MORN1: variants seen among roughly 807,000 people sequenced by gnomAD.
MORN1 encodes MORN repeat containing 1, also known as MORN repeat-containing protein 1.
A neutral mutation model predicts 61.9 loss-of-function variants in MORN1; 67 were observed. The ratio of observed to expected loss-of-function variants is 1.08; its 90% confidence interval spans 0.89 to 1.33. The LOEUF is 1.33. Among genes scored for constraint, MORN1 ranks in the 40% most tolerant of loss-of-function variants. MORN1 has a pLI of 0.00. For synonymous variants in MORN1, 301 were observed against 292.0 expected (o/e 1.03, Z -0.31); for missense variants, 752 against 691.2 (o/e 1.09, Z -0.99).
rs541418375 is a variant in MORN1, at chr1:2,358,528, T to G, written c.869+64A>C. The stretch of plus-strand genomic sequence containing the variant: ...CTCTAGGGAAAAAAGGACAAGGAAT[T>G]AATGTGACCTAAATGAACTCAAAAC... On this transcript the variant is annotated intron_variant, in intron 9 of 13. Transcript: ENST00000378531. 10 of 1,604,856 alleles carry G rather than the reference T, an allele frequency of 6.2e-6. No individual in the cohort carries two copies. The East Asian group carries it at 9.0e-5, about 14-fold the overall frequency.
rs2643890 is a variant in MORN1, at chr1:2,357,096, C to T, written c.1036+336G>A. ...CCCGGGCGGCAGGAGTGGCTGGGGC[C>T]GTGTCCAGGCTGGCCACTGGCCTCG... On this transcript the variant is annotated intron_variant, in intron 10 of 13. Transcript: ENST00000378531. The surrounding 1 kb of genome is among the most constrained non-coding windows in gnomAD (Gnocchi z 6.3). 2.6e-5 allele frequency among the ~76,000 whole-genome samples: 4 copies of T among 152,188 alleles called. No individual in the cohort carries two copies. Among genetic ancestry groups the T allele is most frequent in the East Asian group, 1.9e-4 (1 of 5,166 alleles).
chr1:2,351,942 A>G (rs1324143661), intron 10 of MORN1: 9 of 519,596 alleles, frequency 1.7e-5, no homozygotes, highest in Non-Finnish European at 3.0e-5. Context: ...GGGCCCACCA[A>G]TTGGGCTTCC....
At chr1:2,339,416 G>A (rs1325767589) in intron 10 of MORN1, among the ~76,000 whole-genome samples, 9 of 152,182 alleles carry the variant, frequency 5.9e-5, no homozygotes, top group Non-Finnish European at 2.9e-5. Flanking sequence ...CAGGCTGACC[G>A]CAGCGGCCCC....
chr1:2,388,498 G>A, intron 2 of MORN1, 161 bp from the exon 3 acceptor site: 1 of 582,728 alleles, frequency 1.7e-6, no homozygotes, highest in Non-Finnish European at 3.0e-6. Flanking sequence ...ATAAAAAAAT[G>A]TTCTCAAAAA....
chr1:2,350,428 C>G (rs1239044275), intron 10 of MORN1: 1 of 152,156 alleles, frequency 6.6e-6, no homozygotes, highest in Non-Finnish European at 1.5e-5. Context: ...CCCTCTTTGT[C>G]GATTTATTTG....
rs78714880 is a variant in MORN1, at chr1:2,372,171, C to T, written c.745+310G>A. On this transcript the variant is annotated intron_variant, in intron 8 of 13. Transcript: ENST00000378531. This position sits in a 1 kb window ranked among gnomAD's most constrained non-coding sequence, Gnocchi z 5.4. ...AAGGACACTCTGACACACGTGCACGCGTGCCCCCCCACACGTATACACATT... is the reference window on the plus strand; with the variant it reads ...AAGGACACTCTGACACACGTGCACGTGTGCCCCCCCACACGTATACACATT... The T allele has an allele frequency of 3.2e-3, 899 of 283,102 alleles. 4 individuals are homozygous for T. The highest frequency in any genetic ancestry group is 0.018 in the Middle Eastern group (15 of 854). The allele number at this position is 283,102 out of a possible 1,614,324, so 17.5% of individuals were successfully genotyped here. A position where few individuals can be genotyped will look rare whatever the true frequency, so the allele number is the denominator to read the frequency against.
intron 12 of MORN1, among the ~76,000 whole-genome samples, chr1:2,325,021 C>T (rs61762084): frequency 0.046 from 7,032 of 151,510 alleles, 234 homozygotes; most frequent in South Asian, 0.067. Flanking sequence ...GGACGAGGGG[C>T]TGGCTCTGTG....
chr1:2,374,323 G>A (rs2100341676), intron 7 of MORN1, 138 bp downstream of exon 7: 1 of 672,340 alleles, frequency 1.5e-6, no homozygotes, highest in Non-Finnish European at 2.6e-6. Context: ...CCTTAAAAGG[G>A]GTGGGGTTTT....
At chr1:2,341,913 G>A (rs1641403497) in intron 10 of MORN1, among the ~76,000 whole-genome samples, 1 of 152,226 alleles carries the variant, frequency 6.6e-6, no homozygotes, top group Non-Finnish European at 1.5e-5. Context: ...GGATGTGTCA[G>A]CTCATCAAAC....
Position 2,349,247 on chromosome 1 carries a change from G to A in MORN1, c.1036+8185C>T, listed in dbSNP as rs188674745. 6.9e-3 allele frequency among the ~76,000 whole-genome samples: 1,051 copies of A among 152,320 alleles called. 7 individuals are homozygous for A. Among genetic ancestry groups the A allele is most frequent in the Non-Finnish European group, 0.011 (743 of 68,022 alleles). ...GAGAAAAGGACCTGTGGAGGAGGAG[G>A]GAACCTGAAAGCTTAAGCTTTTACC... On this transcript the variant is annotated intron_variant, in intron 10 of 13. Coordinates refer to ENST00000378531, the MANE Select transcript of MORN1 (RefSeq NM_024848.3).
intron 13 of MORN1, 79 bp downstream of exon 13, chr1:2,324,018 C>T (rs767852958): frequency 1.3e-6 from 2 of 1,499,816 alleles, no homozygotes; most frequent in Non-Finnish European, 1.8e-6. Context: ...CCCCCAACCC[C>T]ACCTCCAGCC....
At chr1:2,363,827 A>AT (rs59002493) in intron 8 of MORN1, among the ~76,000 whole-genome samples, 10,714 of 75,484 alleles carry the variant, frequency 0.14, 517 homozygotes, top group South Asian at 0.22. Flanking sequence ...TATATATATA[A>AT]AAAAAATCAG....
intron 13 of MORN1, chr1:2,323,751 T>C: frequency 1.0e-6 from 1 of 985,350 alleles, no homozygotes; most frequent in Non-Finnish European, 1.2e-6. Flanking sequence ...GTTCAGCCAC[T>C]GTGGGCCTTG....
At chr1:2,342,837 T>A (rs1044006725) in intron 10 of MORN1, among the ~76,000 whole-genome samples, 5 of 105,976 alleles carry the variant, frequency 4.7e-5, no homozygotes, top group African/African-American at 6.9e-5. Context: ...TTTATTTTAT[T>A]TTATATTTTA....
chr1:2,353,937 A>G (rs1250945019), intron 10 of MORN1, among the ~76,000 whole-genome samples: 1 of 152,264 alleles, frequency 6.6e-6, no homozygotes, highest in Non-Finnish European at 1.5e-5. Flanking sequence ...GGAAGCAGCA[A>G]GCCCGATAAA....
chr1:2,356,166 G>A (rs919043460), intron 10 of MORN1, among the ~76,000 whole-genome samples: 27 of 152,314 alleles, frequency 1.8e-4, no homozygotes, highest in Non-Finnish European at 3.7e-4. Flanking sequence ...GCCGCCTGGT[G>A]GTGCCATCTG....
In MORN1 at chr1:2,357,316, C is replaced by T; in HGVS notation, c.1036+116G>A. On this transcript the variant is annotated intron_variant, in intron 10 of 13. Transcript: ENST00000378531. The surrounding 1 kb of genome is among the most constrained non-coding windows in gnomAD (Gnocchi z 6.3). Reference sequence around the variant, plus strand: ...CTTTCACCCACGCGTGATGACTGACCCTGGGTGCGGCTTGCTCCTGCTCTG... The same window carrying T: ...CTTTCACCCACGCGTGATGACTGACTCTGGGTGCGGCTTGCTCCTGCTCTG... The T allele has an allele frequency of 2.6e-6, 3 of 1,171,668 alleles. No individual in the cohort carries two copies. The highest frequency in any genetic ancestry group is 3.6e-6 in the Non-Finnish European group (3 of 838,198). The allele number at this position is 1,171,668 out of a possible 1,614,324, so 72.6% of individuals were successfully genotyped here. A position where few individuals can be genotyped will look rare whatever the true frequency, so the allele number is the denominator to read the frequency against.
At chr1:2,355,598 A>G in intron 10 of MORN1, 2 of 897,724 alleles carry the variant, frequency 2.2e-6, no homozygotes, top group South Asian at 3.1e-5. Context: ...GGCCAGGGGC[A>G]TTCCGCTGCC....
At chr1:2,355,269 C>G in intron 10 of MORN1, 1 of 1,428,278 alleles carries the variant, frequency 7.0e-7, no homozygotes, top group Non-Finnish European at 9.2e-7. Context: ...GACAAGGGGG[C>G]GCGGGCCGGG....
Sources: gnomAD v4.1 joint callset for allele counts (sites outside exome capture counted in the v4.1 genomes callset) on GRCh38, gnomAD v4.1.1 for gene constraint, Gnocchi (gnomAD v3.1) non-coding constraint, MANE v1.5 for transcripts, NCBI Gene and HGNC (gene_info 2026-07-23, HGNC 2026-07-21) for gene names.